Variants in BPIFC observed in about 807,000 individuals in gnomAD.
BPIFC encodes the protein BPI fold-containing family C protein.
A neutral mutation model predicts 57.6 loss-of-function variants in BPIFC; 60 were observed. That is an observed-to-expected ratio of 1.04 (90% CI 0.85 to 1.29). The LOEUF is 1.29. Among genes scored for constraint, BPIFC ranks in the 50% most tolerant of loss-of-function variants. The pLI is 0.00. For missense variants in BPIFC, 581 were observed against 600.5 expected (o/e 0.97, Z 0.34); for synonymous variants, 243 against 224.5 (o/e 1.08, Z -0.74).
chr22:32,420,099 T>A (rs879748162), intron 13 of BPIFC, among the ~76,000 whole-genome samples: 1 of 151,898 alleles, frequency 6.6e-6, no homozygotes, highest in Non-Finnish European at 1.5e-5. Flanking sequence ...GGGCGGATCA[T>A]GAGGTCAGGA....
At chr22:32,440,645 A>T (rs12167810) in intron 8 of BPIFC, among the ~76,000 whole-genome samples, 1 of 152,136 alleles carries the variant, frequency 6.6e-6, no homozygotes, top group African/African-American at 2.4e-5. Flanking sequence ...TTCCCATCTC[A>T]ATAAATGCTA....
rs567782140 is a variant in BPIFC at position 32,462,498 on chromosome 22, A to G, written c.-88-837T>C. Among the ~76,000 whole-genome samples, 132 of 152,320 alleles carry G rather than the reference A, an allele frequency of 8.7e-4. 3 individuals are homozygous for G. Among genetic ancestry groups the G allele is most frequent in the Non-Finnish European group, 3.8e-4 (26 of 68,024 alleles). ...TAGTGAAAAAAACATAATAAACCAGAGAAGAAATATTACTTGTGAATGGAA... is the reference window on the plus strand; with the variant it reads ...TAGTGAAAAAAACATAATAAACCAGGGAAGAAATATTACTTGTGAATGGAA... On this transcript the variant is annotated intron_variant, in intron 1 of 16. Transcript: ENST00000300399.
At chr22:32,439,375 G>T (rs146090639) in intron 8 of BPIFC, among the ~76,000 whole-genome samples, 1 of 152,012 alleles carries the variant, frequency 6.6e-6, no homozygotes, top group African/African-American at 2.4e-5. Flanking sequence ...GAAGCTAGTT[G>T]TATGTGCAGT....
At chr22:32,423,979 T>A (rs1933925056) in intron 13 of BPIFC, among the ~76,000 whole-genome samples, 1 of 127,558 alleles carries the variant, frequency 7.8e-6, no homozygotes, top group Admixed American at 7.4e-5. Flanking sequence ...ACTTGTCATG[T>A]CTCTTGGGAT....
intron 2 of BPIFC, among the ~76,000 whole-genome samples, chr22:32,458,045 AAGTT>A (rs1935082211): frequency 6.6e-6 from 1 of 152,100 alleles, no homozygotes; most frequent in Admixed American, 6.6e-5. Flanking sequence ...CTTAAAATGA[AAGTT>A]AGATCATGTT....
chr22:32,463,595 T>C (rs1344240435), intron 1 of BPIFC, among the ~76,000 whole-genome samples: 1 of 151,978 alleles, frequency 6.6e-6, no homozygotes, highest in Non-Finnish European at 1.5e-5. Flanking sequence ...ATTAAGGGAG[T>C]AATGAATGAG....
Position 32,453,564 on chromosome 22 carries a change from A to G in BPIFC, c.125-61T>C. On this transcript the variant is annotated intron_variant, in intron 3 of 16. Transcript: ENST00000300399. ...ACAAAGATAATAATAGCATAATAAC[A>G]TTAACCACACAAATACAATTTATTG... 4 of 1,509,900 alleles carry G rather than the reference A, an allele frequency of 2.6e-6. No homozygotes were observed. The South Asian group carries it at 3.9e-5, about 15-fold the overall frequency. The allele number at this position is 1,509,900 out of a possible 1,614,324, so 93.5% of individuals were successfully genotyped here.
chr22:32,437,436 G>A (rs1043332379), intron 9 of BPIFC, among the ~76,000 whole-genome samples: 3 of 152,076 alleles, frequency 2.0e-5, no homozygotes, highest in Admixed American at 2.0e-4. Flanking sequence ...TGTCACCCAG[G>A]CTGGAATGCA....
chr22:32,452,278 T>C (rs111711653), intron 4 of BPIFC, among the ~76,000 whole-genome samples: 22 of 152,284 alleles, frequency 1.4e-4, no homozygotes, highest in African/African-American at 5.3e-4. Context: ...GCTAACTTTA[T>C]ACAGATCAGA....
At chr22:32,451,206 T>C (rs907371691) in intron 4 of BPIFC, among the ~76,000 whole-genome samples, 7 of 152,318 alleles carry the variant, frequency 4.6e-5, no homozygotes, top group African/African-American at 1.7e-4. Flanking sequence ...CATGAACTCA[T>C]CATTTTTTAT....
intron 2 of BPIFC, among the ~76,000 whole-genome samples, chr22:32,460,460 C>T (rs1398266709): frequency 6.6e-6 from 1 of 152,194 alleles, no homozygotes; most frequent in Non-Finnish European, 1.5e-5. Flanking sequence ...AGGTCTTCAC[C>T]TGTCTGTGGG....
intron 8 of BPIFC, among the ~76,000 whole-genome samples, chr22:32,442,130 G>A (rs1417866137): frequency 6.6e-6 from 1 of 152,222 alleles, no homozygotes; most frequent in African/African-American, 2.4e-5. Flanking sequence ...GAGAGAGGAA[G>A]CTCTTCCAGG....
At chr22:32,439,100 C>T (rs890416764) in intron 8 of BPIFC, among the ~76,000 whole-genome samples, 9 of 151,624 alleles carry the variant, frequency 5.9e-5, no homozygotes, top group Non-Finnish European at 7.4e-5. Context: ...CTGAGGTGGG[C>T]GGATCACCTG....
At chr22:32,436,253 C>CA (rs1934390223) in intron 9 of BPIFC, among the ~76,000 whole-genome samples, 1 of 151,848 alleles carries the variant, frequency 6.6e-6, no homozygotes, top group South Asian at 2.1e-4. Flanking sequence ...GTGACTGTGC[C>CA]ACTGCACTTC....
At chr22:32,415,857 G>C in intron 16 of BPIFC, 58 bp downstream of exon 16, 2 of 1,231,512 alleles carry the variant, frequency 1.6e-6, no homozygotes, top group Non-Finnish European at 2.2e-6. Context: ...AACAGGAGGA[G>C]GCTTAGTCTA....
chr22:32,419,931 T>C (rs1933794043), intron 13 of BPIFC, among the ~76,000 whole-genome samples: 1 of 151,966 alleles, frequency 6.6e-6, no homozygotes, highest in Non-Finnish European at 1.5e-5. Flanking sequence ...GCAGGAATAG[T>C]TTAGGGCTTG....
intron 8 of BPIFC, among the ~76,000 whole-genome samples, chr22:32,440,302 T>C (rs62241173): frequency 2.3e-5 from 3 of 132,880 alleles, no homozygotes; most frequent in Non-Finnish European, 1.8e-5. Flanking sequence ...GCCTGGCTAA[T>C]TAAAAAAAAA....
intron 4 of BPIFC, among the ~76,000 whole-genome samples, chr22:32,450,400 C>A (rs1934864691): frequency 1.3e-5 from 2 of 152,116 alleles, no homozygotes; most frequent in Admixed American, 1.3e-4. Flanking sequence ...ATAATGAAAT[C>A]ACTTAATAAG....
chr22:32,440,645 A>C (rs12167810), intron 8 of BPIFC, among the ~76,000 whole-genome samples: 11,240 of 152,232 alleles, frequency 0.074, 437 homozygotes, highest in African/African-American at 0.098. Flanking sequence ...TTCCCATCTC[A>C]ATAAATGCTA....
Sources: allele counts gnomAD v4.1 joint callset (sites outside exome capture counted in the v4.1 genomes callset), GRCh38; gene constraint gnomAD v4.1.1; transcripts MANE v1.5; gene names NCBI Gene and HGNC (gene_info 2026-07-23, HGNC 2026-07-21).